ATP9A: variants seen among roughly 807,000 people sequenced by gnomAD.
ATP9A encodes the protein probable phospholipid-transporting ATPase IIA.
ATP9A carries 52 observed loss-of-function variants against 144.1 expected under a neutral mutation model. The ratio of observed to expected loss-of-function variants is 0.36; its 90% CI spans 0.29 to 0.45. The LOEUF is 0.45. Ranked by LOEUF, ATP9A falls within the 20% of genes least tolerant of loss-of-function variation. The pLI is 1.00. For synonymous variants in ATP9A, 582 were observed against 557.4 expected, an observed-to-expected ratio of 1.04 and a Z score of -0.62; for missense variants, 947 against 1,392.7, an observed-to-expected ratio of 0.68 and a Z score of 5.09.
rs547333132 is a variant in ATP9A at position 51,598,764 on chromosome 20, T to A, written c.*2447A>T. The A allele has an allele frequency of 7.2e-5, 11 of 152,378 alleles. No homozygotes were observed. Among genetic ancestry groups the A allele is most frequent in the African/African-American group, 2.6e-4 (11 of 41,586 alleles). The allele number at this position is 152,378 out of a possible 1,614,324, so 9.4% of individuals were successfully genotyped here. ...CGTCTCCAGTGTCTGAGAAGCACGG[T>A]GTGTGCATTCCTAGGTGTTCAGGGA... On this transcript the variant is annotated 3_prime_UTR_variant, in exon 28 of 28. Coordinates refer to ENST00000338821, the MANE Select transcript of ATP9A (RefSeq NM_006045.3).
chr20:51,627,036 G>C (rs543277096), intron 17 of ATP9A, among the ~76,000 whole-genome samples: 8 of 137,394 alleles, frequency 5.8e-5, no homozygotes, highest in Admixed American at 3.2e-4. Context: ...CAGCCTGGGC[G>C]ACAAGAGCGA....
chr20:51,596,724 A>G lies in ATP9A; in HGVS notation c.*4487T>C, dbSNP rs1471392344. 1.3e-5 allele frequency: 2 copies of G among 152,202 alleles called. No individual in the cohort carries two copies. The highest frequency in any genetic ancestry group is 4.8e-5 in the African/African-American group (2 of 41,448). The allele number at this position is 152,202 out of a possible 1,614,324, so 9.4% of individuals were successfully genotyped here. ...AGGAGCGTTATAATAAAAAGTCCTC[A>G]TTTTGATACCAGAATTCATGTTTCT... On this transcript the variant is annotated 3_prime_UTR_variant, in exon 28 of 28. Coordinates refer to ENST00000338821, the MANE Select transcript of ATP9A (RefSeq NM_006045.3).
chr20:51,682,577 C>CTTTTTTTTTTTTT (rs60505207), intron 9 of ATP9A, among the ~76,000 whole-genome samples: 453 of 35,086 alleles, frequency 0.013, 119 homozygotes, highest in Non-Finnish European at 0.015. Flanking sequence ...TTCACTGTAT[C>CTTTTTTTTTTTTT]TTTTTTTTTT....
chr20:51,607,617 T>G (rs756918151), intron 25 of ATP9A, 33 bp from the exon 26 acceptor site: 2 of 1,570,770 alleles, frequency 1.3e-6, no homozygotes, highest in Admixed American at 1.7e-5. Flanking sequence ...TTAGAGCCGG[T>G]TTCGCGGGGG....
At chr20:51,704,259 A>G (rs1308788621) in intron 4 of ATP9A, among the ~76,000 whole-genome samples, 1 of 151,966 alleles carries the variant, frequency 6.6e-6, no homozygotes, top group Non-Finnish European at 1.5e-5. Context: ...ATAAATATAT[A>G]AATGGTCTTG....
At chr20:51,666,205 C>G (rs1601092052) in intron 13 of ATP9A, among the ~76,000 whole-genome samples, 1 of 152,162 alleles carries the variant, frequency 6.6e-6, no homozygotes, top group East Asian at 1.9e-4. Context: ...TTGGAGTCCA[C>G]AGGTTTAGAT....
At chr20:51,618,622 G>C (rs373171634) in intron 21 of ATP9A, 40 bp downstream of exon 21, 1 of 1,574,006 alleles carries the variant, frequency 6.4e-7, no homozygotes, top group Non-Finnish European at 8.6e-7. Flanking sequence ...CTGGTGCACC[G>C]GCAGGCCAGG....
rs141132632 is a variant in ATP9A, at chr20:51,658,480, G to A, written c.1294-1330C>T. ...GATGGGAGATGCAGCCTGCAGCTCC[G>A]TTCCTCTGTCACACATCGGGTGCCA... On this transcript the variant is annotated intron_variant, in intron 13 of 27. Coordinates refer to ENST00000338821, the MANE Select transcript of ATP9A (RefSeq NM_006045.3). 8.5e-3 allele frequency among the ~76,000 whole-genome samples: 1,257 copies of A among 148,310 alleles called. 18 individuals are homozygous for A. Among genetic ancestry groups the A allele is most frequent in the African/African-American group, 0.03 (1,206 of 40,080 alleles).
chr20:51,730,482 A>T (rs1032494409), intron 1 of ATP9A, among the ~76,000 whole-genome samples: 1 of 152,192 alleles, frequency 6.6e-6, no homozygotes, highest in Non-Finnish European at 1.5e-5. Flanking sequence ...ATAAGTAAAT[A>T]AATAAATAAA....
chr20:51,671,344 T>C, intron 11 of ATP9A, 87 bp from the exon 12 acceptor site: 1 of 1,477,656 alleles, frequency 6.8e-7, no homozygotes, highest in Non-Finnish European at 9.3e-7. Context: ...TAAACACATG[T>C]GCCATCGCAT....
Position 51,671,275 on chromosome 20 carries a change from G to A in ATP9A, c.1038-18C>T. ...CACGCAAACTAGGCACAAAACCAGA[G>A]CAAACAGGCTAACAGGACAGATGTA... On this transcript the variant is annotated intron_variant, in intron 11 of 27. Coordinates refer to ENST00000338821, the MANE Select transcript of ATP9A (RefSeq NM_006045.3). 1.9e-6 allele frequency: 3 copies of A among 1,609,574 alleles called. No individual in the cohort carries two copies. Among genetic ancestry groups the A allele is most frequent in the Non-Finnish European group, 8.5e-7 (1 of 1,176,182 alleles).
At position 51,722,940 on chromosome 20, in the gene ATP9A, A is replaced by G. The variant is rs2122864434; in HGVS notation, c.327+2879T>C. Among the ~76,000 whole-genome samples, 4 of 152,342 alleles carry G rather than the reference A, an allele frequency of 2.6e-5. No homozygotes were observed. In the South Asian group the frequency reaches 8.3e-4, roughly 32 times the overall value. On this transcript the variant is annotated intron_variant, in intron 3 of 27. Transcript: ENST00000338821. The stretch of plus-strand genomic sequence containing the variant: ...GCAAAATCGTGGAACCAACCCCAGT[A>G]GCTGGGATTACAGACGCCCGCCACC...
chr20:51,713,110 C>G, intron 3 of ATP9A, 36 bp from the exon 4 acceptor site: 3 of 1,567,198 alleles, frequency 1.9e-6, no homozygotes, highest in Non-Finnish European at 2.6e-6. Context: ...TTGCTACAGG[C>G]AGTGAGCCCT....
chr20:51,684,695 C>CA (rs34692104), intron 9 of ATP9A, among the ~76,000 whole-genome samples: 4,665 of 94,458 alleles, frequency 0.049, 107 homozygotes, highest in Non-Finnish European at 0.059. Context: ...GACTCTGTCT[C>CA]AAAAAAAAAA....
intron 1 of ATP9A, among the ~76,000 whole-genome samples, chr20:51,761,753 C>T (rs1490204654): frequency 6.6e-6 from 1 of 151,150 alleles, no homozygotes; most frequent in East Asian, 1.9e-4. Context: ...GAGCGAGACT[C>T]CGCCTCAAAA....
At chr20:51,649,836 C>T (rs1233899584) in intron 14 of ATP9A, among the ~76,000 whole-genome samples, 1 of 149,734 alleles carries the variant, frequency 6.7e-6, no homozygotes, top group Admixed American at 6.8e-5. Flanking sequence ...TTGCTTGTAC[C>T]TGGGAGGCGG....
intron 1 of ATP9A, among the ~76,000 whole-genome samples, chr20:51,749,084 GGTGCAATGGTGT>G (rs1280796869): frequency 5.3e-5 from 8 of 152,146 alleles, no homozygotes; most frequent in African/African-American, 1.9e-4. Flanking sequence ...TCAAAGGCCA[GGTGCAATGGTGT>G]GTGCCTGTAG....
chr20:51,683,855 A>G (rs6021376), intron 9 of ATP9A, among the ~76,000 whole-genome samples: 79,702 of 151,644 alleles, frequency 0.53, 21,679 homozygotes, highest in African/African-American at 0.66. Flanking sequence ...TCTATTCCTT[A>G]AAGCAAGTAT....
intron 9 of ATP9A, among the ~76,000 whole-genome samples, chr20:51,681,581 C>T (rs1360001660): frequency 6.6e-6 from 1 of 152,086 alleles, no homozygotes; most frequent in Non-Finnish European, 1.5e-5. Context: ...GCTACCACAC[C>T]CAGCTCATTT....
Sources: allele counts gnomAD v4.1 joint callset (sites outside exome capture counted in the v4.1 genomes callset), GRCh38; gene constraint gnomAD v4.1.1; transcripts MANE v1.5; gene names NCBI Gene and HGNC (gene_info 2026-07-23, HGNC 2026-07-21).